ELF1: variants seen among roughly 807,000 people sequenced by gnomAD.
The protein encoded by ELF1 is ETS-related transcription factor Elf-1.
A neutral mutation model predicts 59.9 loss-of-function variants in ELF1; 24 were observed. That is an observed-to-expected ratio of 0.40 (90% confidence interval 0.29 to 0.56). ELF1 has a LOEUF of 0.56. ELF1 is among the 20% of genes least tolerant of loss of function. The pLI is 0.44. For missense variants in ELF1, 627 were observed against 742.2 expected (o/e 0.84, Z 1.80); for synonymous variants, 248 against 266.2 (o/e 0.93, Z 0.67).
chr13:41,002,052 T>C (rs947668929), intron 1 of ELF1, among the ~76,000 whole-genome samples: 9 of 151,866 alleles, frequency 5.9e-5, no homozygotes, highest in Non-Finnish European at 8.8e-5. Context: ...TGGGGAGAAG[T>C]TTTTTTACCT....
intron 2 of ELF1, among the ~76,000 whole-genome samples, chr13:40,980,612 G>C (rs1175762389): frequency 1.3e-5 from 2 of 152,008 alleles, no homozygotes; most frequent in Non-Finnish European, 2.9e-5. Context: ...ACTATAACTA[G>C]AGCATATTAG....
At chr13:40,944,670 T>G (rs1047447069) in intron 5 of ELF1, among the ~76,000 whole-genome samples, 1 of 152,210 alleles carries the variant, frequency 6.6e-6, no homozygotes, top group Non-Finnish European at 1.5e-5. Context: ...AACCATGGCC[T>G]AGCAGCGCCA....
intron 2 of ELF1, among the ~76,000 whole-genome samples, chr13:40,962,723 T>C (rs1566173451): frequency 6.7e-6 from 1 of 149,160 alleles, no homozygotes; most frequent in South Asian, 2.1e-4. Flanking sequence ...AAGAGACACA[T>C]GGTTCTGTGA....
chr13:40,936,608 G>A (rs914229488), intron 8 of ELF1, among the ~76,000 whole-genome samples: 2 of 151,666 alleles, frequency 1.3e-5, no homozygotes, highest in South Asian at 4.2e-4. Flanking sequence ...AAAATTAGCT[G>A]GGCATAGTCG....
intron 1 of ELF1, among the ~76,000 whole-genome samples, chr13:41,001,802 G>A (rs981171289): frequency 1.2e-4 from 18 of 152,182 alleles, no homozygotes; most frequent in African/African-American, 2.7e-4. Context: ...CAAGGTTGCC[G>A]TGCACTGTGA....
At chr13:40,998,490 C>T (rs533689618) in intron 1 of ELF1, among the ~76,000 whole-genome samples, 1 of 152,134 alleles carries the variant, frequency 6.6e-6, no homozygotes, top group South Asian at 2.1e-4. Context: ...TGATTTTTTG[C>T]AAAAGGATGA....
chr13:41,058,742 G>A (rs1372274223), intron 1 of ELF1, among the ~76,000 whole-genome samples: 1 of 152,224 alleles, frequency 6.6e-6, no homozygotes, highest in East Asian at 1.9e-4. Flanking sequence ...GGAGGCCGAG[G>A]TGGGTGGATC....
intron 1 of ELF1, among the ~76,000 whole-genome samples, chr13:41,028,445 C>T (rs1185720053): frequency 3.3e-5 from 5 of 152,170 alleles, no homozygotes; most frequent in African/African-American, 7.2e-5. Context: ...TTGGGTCACC[C>T]CACCAAATAA....
At chr13:40,964,878 G>T (rs1397255763) in intron 2 of ELF1, among the ~76,000 whole-genome samples, 1 of 151,992 alleles carries the variant, frequency 6.6e-6, no homozygotes, top group African/African-American at 2.4e-5. Flanking sequence ...TGGAGTAAGG[G>T]CTCCCCTCTC....
chr13:41,057,473 C>G (rs942674761), intron 1 of ELF1, among the ~76,000 whole-genome samples: 1 of 151,980 alleles, frequency 6.6e-6, no homozygotes, highest in African/African-American at 2.4e-5. Flanking sequence ...GAGATCCTGG[C>G]TTACTGCAAT....
intron 1 of ELF1, among the ~76,000 whole-genome samples, chr13:41,041,809 C>A (rs985170314): frequency 1.3e-5 from 2 of 152,102 alleles, no homozygotes; most frequent in South Asian, 2.1e-4. Flanking sequence ...TAGGTGGACT[C>A]AAGATTCTCT....
chr13:41,006,933 T>C (rs964667198), intron 1 of ELF1, among the ~76,000 whole-genome samples: 1 of 152,186 alleles, frequency 6.6e-6, no homozygotes, highest in African/African-American at 2.4e-5. Flanking sequence ...TCTTCCAGCA[T>C]ACTTTACCCA....
intron 1 of ELF1, among the ~76,000 whole-genome samples, chr13:41,041,901 C>A (rs79711773): frequency 6.6e-6 from 1 of 152,122 alleles, no homozygotes; most frequent in Admixed American, 6.5e-5. Context: ...TACACAATCC[C>A]GGAATACCAT....
At chr13:40,993,440 G>A (rs1239721855) in intron 1 of ELF1, 2 of 629,420 alleles carry the variant, frequency 3.2e-6, no homozygotes, top group Non-Finnish European at 5.6e-6. Context: ...GAGCCCGTTT[G>A]CTACTATCCG....
intron 2 of ELF1, among the ~76,000 whole-genome samples, chr13:40,973,057 G>C (rs1320590788): frequency 6.6e-6 from 1 of 152,066 alleles, no homozygotes; most frequent in Non-Finnish European, 1.5e-5. Context: ...TTTTTATTTT[G>C]CATATGCCAC....
intron 2 of ELF1, among the ~76,000 whole-genome samples, chr13:40,970,473 T>C (rs999514606): frequency 7.9e-5 from 12 of 152,226 alleles, no homozygotes; most frequent in African/African-American, 2.4e-4. Context: ...AATCCAAGTG[T>C]ATACAGAAAA....
At chr13:40,970,035 A>G (rs1872432369) in intron 2 of ELF1, among the ~76,000 whole-genome samples, 1 of 152,204 alleles carries the variant, frequency 6.6e-6, no homozygotes, top group South Asian at 2.1e-4. Flanking sequence ...ACATTTTCAA[A>G]GAAAAAAAAA....
intron 2 of ELF1, among the ~76,000 whole-genome samples, chr13:40,979,602 G>A (rs1175896059): frequency 6.6e-6 from 1 of 152,058 alleles, no homozygotes; most frequent in East Asian, 1.9e-4. Flanking sequence ...ATAAATAATG[G>A]GCTGCTCATG....
intron 2 of ELF1, among the ~76,000 whole-genome samples, chr13:40,977,439 C>T (rs1872981597): frequency 6.6e-6 from 1 of 152,058 alleles, no homozygotes; most frequent in Non-Finnish European, 1.5e-5. Flanking sequence ...AACACCCCCG[C>T]CATGACCCCT....
Sources: allele counts gnomAD v4.1 joint callset (sites outside exome capture counted in the v4.1 genomes callset), GRCh38; gene constraint gnomAD v4.1.1; transcripts MANE v1.5; gene names NCBI Gene and HGNC (gene_info 2026-07-23, HGNC 2026-07-21).